The following ALG14 variants were observed in gnomAD, a reference collection of about 807,000 sequenced individuals.
The protein encoded by ALG14 is UDP-N-acetylglucosamine transferase subunit ALG14.
In ALG14, 17 loss-of-function variants were observed where a neutral mutation model predicts 22.8. The ratio of observed to expected loss-of-function variants is 0.75; its 90% CI spans 0.51 to 1.12. The LOEUF (loss-of-function observed/expected upper bound fraction) is 1.12, where lower values mean the gene tolerates loss of function less well. Among genes scored for constraint, ALG14 ranks in the 50% most tolerant of loss-of-function variants. ALG14 has a pLI of 0.00. For missense variants in ALG14, 288 were observed against 271.8 expected (o/e 1.06, Z -0.42); for synonymous variants, 89 against 103.7 (o/e 0.86, Z 0.86).
chr1:95,034,131 C>T (rs1674109256), intron 2 of ALG14, among the ~76,000 whole-genome samples: 1 of 152,146 alleles, frequency 6.6e-6, no homozygotes, highest in Non-Finnish European at 1.5e-5. Context: ...TTGATTTGCT[C>T]CCAGACTGTC....
At chr1:95,055,958 G>A (rs570066493) in intron 2 of ALG14, among the ~76,000 whole-genome samples, 8 of 150,086 alleles carry the variant, frequency 5.3e-5, no homozygotes, top group East Asian at 1.9e-4. Context: ...TGCAGTGAGC[G>A]GAGATGCACC....
chr1:94,985,225 C>A (rs1672612682), intron 3 of ALG14, among the ~76,000 whole-genome samples: 1 of 151,900 alleles, frequency 6.6e-6, no homozygotes, highest in South Asian at 2.1e-4. Flanking sequence ...TTGTCTTAAA[C>A]CTAAATTACA....
At chr1:95,032,432 A>C (rs1254062350) in intron 2 of ALG14, among the ~76,000 whole-genome samples, 3 of 152,174 alleles carry the variant, frequency 2.0e-5, no homozygotes, top group Admixed American at 6.5e-5. Context: ...AAACAGCCAA[A>C]GCTAGAAGGC....
chr1:94,998,615 C>T (rs1231322342), intron 3 of ALG14, among the ~76,000 whole-genome samples: 1 of 152,130 alleles, frequency 6.6e-6, no homozygotes, highest in Non-Finnish European at 1.5e-5. Context: ...AGCAGAAGGG[C>T]AGCACAGTAT....
At chr1:95,022,233 T>C (rs941375651) in intron 3 of ALG14, 1 of 818,954 alleles carries the variant, frequency 1.2e-6, no homozygotes, top group Non-Finnish European at 1.5e-6. Flanking sequence ...TTGACACAGA[T>C]GTTGTTCGGA....
At chr1:95,026,360 A>G (rs1673814720) in intron 3 of ALG14, among the ~76,000 whole-genome samples, 1 of 152,222 alleles carries the variant, frequency 6.6e-6, no homozygotes, top group Admixed American at 6.5e-5. Context: ...TGTGAAACAT[A>G]AGAAATACTA....
At chr1:95,015,149 C>G (rs948744941) in intron 3 of ALG14, among the ~76,000 whole-genome samples, 5 of 152,096 alleles carry the variant, frequency 3.3e-5, no homozygotes, top group African/African-American at 4.8e-5. Context: ...ATGCCATTCA[C>G]CTCTCAGTGG....
chr1:95,022,300 A>C, intron 3 of ALG14: 1 of 985,158 alleles, frequency 1.0e-6, no homozygotes, highest in Non-Finnish European at 1.2e-6. Context: ...TCATTTATGG[A>C]TGGAAGCAGC....
At chr1:95,039,566 A>C (rs1008540697) in intron 2 of ALG14, among the ~76,000 whole-genome samples, 1 of 152,240 alleles carries the variant, frequency 6.6e-6, no homozygotes, top group Non-Finnish European at 1.5e-5. Flanking sequence ...ACAGGCTGAC[A>C]GCACATCATG....
intron 3 of ALG14, among the ~76,000 whole-genome samples, chr1:94,999,667 T>C (rs1571588801): frequency 6.6e-6 from 1 of 152,160 alleles, no homozygotes; most frequent in African/African-American, 2.4e-5. Context: ...CATCTCTCCT[T>C]TGGCTCCAGC....
At chr1:95,033,418 T>TACACACAC (rs1234307055) in intron 2 of ALG14, among the ~76,000 whole-genome samples, 12 of 130,428 alleles carry the variant, frequency 9.2e-5, no homozygotes, top group African/African-American at 3.2e-4. Context: ...TATATATATA[T>TACACACAC]ATACACACAC....
chr1:95,019,932 A>G (rs1323834368), intron 3 of ALG14, among the ~76,000 whole-genome samples: 1 of 152,188 alleles, frequency 6.6e-6, no homozygotes, highest in African/African-American at 2.4e-5. Context: ...AATCCATGAT[A>G]CATGGCCGGG....
At chr1:95,006,780 G>A (rs1226402390) in intron 3 of ALG14, among the ~76,000 whole-genome samples, 1 of 152,218 alleles carries the variant, frequency 6.6e-6, no homozygotes, top group Non-Finnish European at 1.5e-5. Context: ...AACCTCTGTG[G>A]TGTCTCTTCT....
chr1:95,053,610 G>C (rs1674826220), intron 2 of ALG14, among the ~76,000 whole-genome samples: 1 of 152,002 alleles, frequency 6.6e-6, no homozygotes, highest in African/African-American at 2.4e-5. Context: ...ACCCAGGCTT[G>C]AGTGCAGTGG....
At chr1:95,060,767 T>TA (rs1675119579) in intron 2 of ALG14, among the ~76,000 whole-genome samples, 1 of 152,144 alleles carries the variant, frequency 6.6e-6, no homozygotes, top group African/African-American at 2.4e-5. Context: ...TTTTTATAGT[T>TA]AAGACTATTA....
rs556430188 is a variant in ALG14, at chr1:95,008,045, A to C, written c.420+19084T>G. 5.3e-5 allele frequency among the ~76,000 whole-genome samples: 8 copies of C among 152,308 alleles called. No homozygotes were observed. In the South Asian group the frequency reaches 1.4e-3, roughly 28 times the overall value. The stretch of plus-strand genomic sequence containing the variant: ...CTAATAAAATGATCTGGTATGCTAG[A>C]CATCTATTTTTGTTTTTCTCAGTAT... On this transcript the variant is annotated intron_variant, in intron 3 of 3. Transcript: ENST00000370205.
chr1:95,058,640 A>T (rs1675025973), intron 2 of ALG14, among the ~76,000 whole-genome samples: 1 of 149,916 alleles, frequency 6.7e-6, no homozygotes, highest in African/African-American at 2.4e-5. Flanking sequence ...AAAAAAAGAT[A>T]CTTTCAGAGC....
At chr1:95,010,683 A>T (rs1197802050) in intron 3 of ALG14, among the ~76,000 whole-genome samples, 1 of 152,220 alleles carries the variant, frequency 6.6e-6, no homozygotes, top group Non-Finnish European at 1.5e-5. Context: ...ATTAAAAAAG[A>T]AAGAAGCTAT....
At chr1:95,063,181 ACT>A (rs1329652572) in intron 2 of ALG14, among the ~76,000 whole-genome samples, 1 of 152,024 alleles carries the variant, frequency 6.6e-6, no homozygotes, top group African/African-American at 2.4e-5. Context: ...TTCCTTGTAG[ACT>A]CTGTATATTA....
Sources: allele counts gnomAD v4.1 joint callset (sites outside exome capture counted in the v4.1 genomes callset), GRCh38; gene constraint gnomAD v4.1.1; transcripts MANE v1.5; gene names NCBI Gene and HGNC (gene_info 2026-07-23, HGNC 2026-07-21).